PDE7B: variants seen among roughly 807,000 people sequenced by gnomAD.
PDE7B encodes phosphodiesterase 7B.
In PDE7B, 29 loss-of-function variants were observed where a neutral mutation model predicts 56.2. That is an observed-to-expected ratio of 0.52 (90% CI 0.38 to 0.70). The LOEUF (loss-of-function observed/expected upper bound fraction) is 0.70, where lower values mean the gene tolerates loss of function less well. Among genes scored for constraint, PDE7B ranks in the 30% least tolerant of loss-of-function variants. The pLI is 0.00. For synonymous variants in PDE7B, 197 were observed against 196.9 expected, an observed-to-expected ratio of 1.00 and a Z score of 0.00; for missense variants, 490 against 565.0, an observed-to-expected ratio of 0.87 and a Z score of 1.35.
intron 2 of PDE7B, among the ~76,000 whole-genome samples, chr6:135,985,907 A>G (rs1775368467): frequency 6.6e-6 from 1 of 152,102 alleles, no homozygotes; most frequent in African/African-American, 2.4e-5. Context: ...CCCTACAGCC[A>G]GGTGTTTGTG....
intron 1 of PDE7B, among the ~76,000 whole-genome samples, chr6:135,869,595 G>T (rs889572066): frequency 2.6e-5 from 4 of 152,194 alleles, no homozygotes; most frequent in Non-Finnish European, 4.4e-5. Context: ...AGAGATGACT[G>T]ACAGTTACTA....
intron 1 of PDE7B, among the ~76,000 whole-genome samples, chr6:135,913,056 C>A (rs1776239294): frequency 6.6e-6 from 1 of 152,196 alleles, no homozygotes; most frequent in Admixed American, 6.5e-5. Flanking sequence ...ATTCTCTTTG[C>A]ATTGATAATA....
chr6:136,136,389 A>G (rs1778211744), intron 3 of PDE7B, among the ~76,000 whole-genome samples: 1 of 152,126 alleles, frequency 6.6e-6, no homozygotes, highest in African/African-American at 2.4e-5. Flanking sequence ...TTTAACAGAA[A>G]TCTGGTCTCC....
chr6:135,965,291 G>T (rs552441180), intron 2 of PDE7B, among the ~76,000 whole-genome samples: 1 of 152,270 alleles, frequency 6.6e-6, no homozygotes, highest in African/African-American at 2.4e-5. Context: ...GGTGAACAAG[G>T]ATCTGCTTGT....
chr6:135,964,098 G>GT (rs369634862), intron 2 of PDE7B, among the ~76,000 whole-genome samples: 1,978 of 148,650 alleles, frequency 0.013, 50 homozygotes, highest in African/African-American at 0.042. Flanking sequence ...CTTTTTCTGG[G>GT]TTTTTTTTTT....
At chr6:135,900,166 T>C (rs1254416973) in intron 1 of PDE7B, among the ~76,000 whole-genome samples, 1 of 152,078 alleles carries the variant, frequency 6.6e-6, no homozygotes, top group African/African-American at 2.4e-5. Flanking sequence ...TTTGTTAGCA[T>C]GAAGTCTTCT....
chr6:135,995,517 C>A (rs960024401), intron 2 of PDE7B, among the ~76,000 whole-genome samples: 5 of 152,130 alleles, frequency 3.3e-5, no homozygotes, highest in African/African-American at 7.2e-5. Flanking sequence ...GGGGTAACAG[C>A]AGAAAATGAA....
At chr6:135,908,179 C>G (rs1314198976) in intron 1 of PDE7B, among the ~76,000 whole-genome samples, 1 of 151,784 alleles carries the variant, frequency 6.6e-6, no homozygotes, top group Non-Finnish European at 1.5e-5. Context: ...ACCTACACCT[C>G]CTGGGTTCAA....
In PDE7B at chr6:136,074,208, G is replaced by A. The variant is rs146335927; in HGVS notation, c.83-34523G>A. On this transcript the variant is annotated intron_variant, in intron 2 of 12. Transcript: ENST00000308191. ...AGATCGCACCACTGCACTCTATCCT[G>A]GGTGACAGAGAGACCTTGTCTCAAA... 1.3e-3 allele frequency among the ~76,000 whole-genome samples: 198 copies of A among 150,688 alleles called. 3 individuals carry two copies. The East Asian group carries it at 0.034, about 26-fold the overall frequency.
intron 2 of PDE7B, among the ~76,000 whole-genome samples, chr6:135,972,260 A>C (rs1434543972): frequency 2.2e-5 from 3 of 134,602 alleles, no homozygotes; most frequent in Non-Finnish European, 4.8e-5. Flanking sequence ...AAAAAAAAAA[A>C]ACCCAAAAAA....
Position 135,979,169 on chromosome 6 carries a change from T to C in PDE7B, c.82+31645T>C, listed in dbSNP as rs1775249000. ...TTTGTCTTTGGTTCTGTTTATATGC[T>C]AGATTACATTTATTGATTTGTGTAT... On this transcript the variant is annotated intron_variant, in intron 2 of 12. Transcript: ENST00000308191. 1.3e-5 allele frequency among the ~76,000 whole-genome samples: 2 copies of C among 151,998 alleles called. 1 individual carries two copies. The highest frequency in any genetic ancestry group is 4.1e-4 in the South Asian group (2 of 4,832).
chr6:135,888,853 T>C (rs1024456191), intron 1 of PDE7B, among the ~76,000 whole-genome samples: 1 of 152,104 alleles, frequency 6.6e-6, no homozygotes, highest in East Asian at 1.9e-4. Flanking sequence ...GTGATTAATA[T>C]AATCTACCAC....
At chr6:136,177,741 C>A (rs368418283) in intron 9 of PDE7B, among the ~76,000 whole-genome samples, 5 of 151,840 alleles carry the variant, frequency 3.3e-5, no homozygotes, top group African/African-American at 1.2e-4. Flanking sequence ...ATAAACATAC[C>A]CTGTCATCCA....
At chr6:135,907,474 G>A (rs1051937954) in intron 1 of PDE7B, among the ~76,000 whole-genome samples, 1 of 151,872 alleles carries the variant, frequency 6.6e-6, no homozygotes, top group Non-Finnish European at 1.5e-5. Flanking sequence ...TCAATTATTT[G>A]TTTATATTTT....
intron 2 of PDE7B, among the ~76,000 whole-genome samples, chr6:136,019,813 G>A (rs746474629): frequency 1.3e-5 from 2 of 151,964 alleles, no homozygotes; most frequent in Admixed American, 6.5e-5. Context: ...AAATCATAAG[G>A]AAGAGAAAAC....
At chr6:136,031,676 T>G (rs1436623749) in intron 2 of PDE7B, among the ~76,000 whole-genome samples, 1 of 148,078 alleles carries the variant, frequency 6.8e-6, no homozygotes, top group African/African-American at 2.5e-5. Flanking sequence ...GAGGCGGAGC[T>G]TGCAGTGAGC....
intron 3 of PDE7B, among the ~76,000 whole-genome samples, chr6:136,117,606 G>C (rs772009968): frequency 7.9e-5 from 12 of 152,164 alleles, no homozygotes; most frequent in Non-Finnish European, 1.8e-4. Context: ...AAGGGCAGAA[G>C]TTATGGAGGA....
chr6:136,095,375 TTAAAAA>T lies in PDE7B; in HGVS notation c.83-13350_83-13345del, dbSNP rs529844645. Among the ~76,000 whole-genome samples, 22 of 152,288 alleles carry T rather than the reference TTAAAAA, an allele frequency of 1.4e-4. No homozygotes were observed. The South Asian group carries it at 4.6e-3, about 32-fold the overall frequency. On this transcript the variant is annotated intron_variant, in intron 2 of 12. Transcript: ENST00000308191. ...TATGGTAATATCAATAAGAATACTC[TTAAAAA>T]TAAAATTTTATTACAAAGTGATTGG...
At chr6:136,114,495 G>A (rs1777799788) in intron 3 of PDE7B, among the ~76,000 whole-genome samples, 1 of 152,146 alleles carries the variant, frequency 6.6e-6, no homozygotes, top group Non-Finnish European at 1.5e-5. Context: ...GGCCCTAAGT[G>A]ATAGCCCCAT....
Sources: gnomAD v4.1 joint callset for allele counts (sites outside exome capture counted in the v4.1 genomes callset) on GRCh38, gnomAD v4.1.1 for gene constraint, MANE v1.5 for transcripts, NCBI Gene and HGNC (gene_info 2026-07-23, HGNC 2026-07-21) for gene names.